NTM: variants seen among roughly 807,000 people sequenced by gnomAD.
NTM encodes the protein IgLON family member 2.
Under a neutral mutation model 42.1 loss-of-function variants are expected in NTM, and 13 were observed. The observed-to-expected ratio is 0.31, with a 90% CI of 0.20 to 0.49. NTM has a LOEUF of 0.49. Ranked by LOEUF, NTM falls within the 20% of genes least tolerant of loss-of-function variation. The pLI is 0.99. For missense variants in NTM, 373 were observed against 452.8 expected (o/e 0.82, Z 1.60); for synonymous variants, 187 against 179.2 (o/e 1.04, Z -0.35).
chr11:131,375,836 G>T lies in NTM; in HGVS notation c.82+4948G>T, dbSNP rs537191039. ...ATGTCTTTATTTATGCAACCCTCTG[G>T]ATTAAGCCTGCTCTTGCTACCACTG... On this transcript the variant is annotated intron_variant, in intron 1 of 8. Coordinates refer to ENST00000683400, the MANE Select transcript of NTM (RefSeq NM_001352005.2). Among the ~76,000 whole-genome samples, 5 of 152,066 alleles carry T rather than the reference G, an allele frequency of 3.3e-5. No homozygotes were observed. The South Asian group carries it at 8.3e-4, about 25-fold the overall frequency.
chr11:131,772,976 C>T (rs1018303798), intron 1 of NTM, among the ~76,000 whole-genome samples: 3 of 152,180 alleles, frequency 2.0e-5, no homozygotes, highest in African/African-American at 7.2e-5. Context: ...GCTGCGACAT[C>T]ATCCACAATA....
chr11:131,504,808 C>T (rs934806971), intron 1 of NTM, among the ~76,000 whole-genome samples: 1 of 152,120 alleles, frequency 6.6e-6, no homozygotes, highest in African/African-American at 2.4e-5. Flanking sequence ...GCCGTCCACC[C>T]CCTCCACTCC....
At chr11:131,803,516 G>A (rs924797799) in intron 1 of NTM, among the ~76,000 whole-genome samples, 5 of 152,106 alleles carry the variant, frequency 3.3e-5, no homozygotes, top group African/African-American at 1.2e-4. Context: ...CCCTATGTTG[G>A]CGAGGCTAGT....
At chr11:131,472,740 C>T (rs1311548776) in intron 1 of NTM, among the ~76,000 whole-genome samples, 1 of 152,010 alleles carries the variant, frequency 6.6e-6, no homozygotes. Context: ...TATAATAGCC[C>T]TCTGAGGTAG....
intron 3 of NTM, among the ~76,000 whole-genome samples, chr11:132,183,387 G>A (rs2077876281): frequency 6.6e-6 from 1 of 152,068 alleles, no homozygotes; most frequent in Non-Finnish European, 1.5e-5. Context: ...CTTTGTGCTT[G>A]GCACCAGGCA....
intron 1 of NTM, among the ~76,000 whole-genome samples, chr11:131,543,129 T>C (rs981407354): frequency 1.3e-5 from 2 of 152,214 alleles, no homozygotes; most frequent in Non-Finnish European, 2.9e-5. Context: ...TGTGTCCTAC[T>C]TGTGAGCCAG....
chr11:132,211,519 G>C (rs2082830755), intron 3 of NTM, among the ~76,000 whole-genome samples: 1 of 152,242 alleles, frequency 6.6e-6, no homozygotes, highest in Non-Finnish European at 1.5e-5. Flanking sequence ...GTCAGCAGAG[G>C]TGGGATCACT....
At chr11:132,331,479 GTTTTA>G (rs750504739) in intron 8 of NTM, among the ~76,000 whole-genome samples, 12 of 152,142 alleles carry the variant, frequency 7.9e-5, no homozygotes, top group Non-Finnish European at 1.5e-4. Flanking sequence ...AAAAGTTTTT[GTTTTA>G]TTTTTTCTTC....
intron 1 of NTM, among the ~76,000 whole-genome samples, chr11:131,618,674 C>A (rs7127076): frequency 0.027 from 4,061 of 152,270 alleles, 81 homozygotes; most frequent in Middle Eastern, 0.054. Flanking sequence ...AGCTTAAATG[C>A]TAGTTACACA....
chr11:131,838,283 A>G (rs7926254), intron 1 of NTM, among the ~76,000 whole-genome samples: 79,528 of 151,916 alleles, frequency 0.52, 23,100 homozygotes, highest in Admixed American at 0.66. Context: ...CCAGTCAACG[A>G]TCCTGAAGGA....
At chr11:131,608,035 T>C (rs1044088081) in intron 1 of NTM, among the ~76,000 whole-genome samples, 2 of 152,178 alleles carry the variant, frequency 1.3e-5, no homozygotes, top group African/African-American at 4.8e-5. Flanking sequence ...GTATATCTCC[T>C]AATGCTATCC....
chr11:132,132,593 T>G (rs549758709), intron 2 of NTM, among the ~76,000 whole-genome samples: 116 of 152,294 alleles, frequency 7.6e-4, no homozygotes, highest in African/African-American at 2.7e-3. Context: ...CTCAGAAGGT[T>G]TGTAAACATT....
At chr11:131,935,808 C>G (rs2059149443) in intron 2 of NTM, among the ~76,000 whole-genome samples, 1 of 152,186 alleles carries the variant, frequency 6.6e-6, no homozygotes, top group African/African-American at 2.4e-5. Flanking sequence ...TAGGTTCACA[C>G]CCTGTCTCAT....
chr11:131,461,867 G>A (rs1319586117), intron 1 of NTM, among the ~76,000 whole-genome samples: 1 of 152,104 alleles, frequency 6.6e-6, no homozygotes, highest in Non-Finnish European at 1.5e-5. Flanking sequence ...AGAGATGTGG[G>A]AGATACAAAG....
At chr11:131,651,691 A>C (rs910504237) in intron 1 of NTM, among the ~76,000 whole-genome samples, 1 of 152,090 alleles carries the variant, frequency 6.6e-6, no homozygotes, top group Non-Finnish European at 1.5e-5. Context: ...AAATACAAAA[A>C]TTAGCTGGGC....
chr11:131,915,457 C>T (rs182466766), intron 2 of NTM, among the ~76,000 whole-genome samples: 1 of 152,316 alleles, frequency 6.6e-6, no homozygotes, highest in Admixed American at 6.5e-5. Flanking sequence ...GATGCTTACT[C>T]AAACAAAATG....
At chr11:131,811,404 A>T (rs1267228305) in intron 1 of NTM, among the ~76,000 whole-genome samples, 1 of 152,224 alleles carries the variant, frequency 6.6e-6, no homozygotes, top group East Asian at 1.9e-4. Context: ...CAGTGTGCAC[A>T]TCCCACTGAC....
intron 3 of NTM, among the ~76,000 whole-genome samples, chr11:132,173,709 A>G (rs912624020): frequency 6.6e-6 from 1 of 152,172 alleles, no homozygotes; most frequent in African/African-American, 2.4e-5. Flanking sequence ...GTTCCAAGTG[A>G]AGAGAGTGAG....
intron 3 of NTM, among the ~76,000 whole-genome samples, chr11:132,206,002 C>T (rs982688752): frequency 6.6e-6 from 1 of 152,104 alleles, no homozygotes; most frequent in Non-Finnish European, 1.5e-5. Flanking sequence ...CCTGCTCGAC[C>T]CCATCTCCCT....
Sources: allele counts gnomAD v4.1 joint callset (sites outside exome capture counted in the v4.1 genomes callset), GRCh38; gene constraint gnomAD v4.1.1; transcripts MANE v1.5; gene names NCBI Gene and HGNC (gene_info 2026-07-23, HGNC 2026-07-21).